Variants in LMX1A observed in about 807,000 individuals in gnomAD.
LMX1A encodes LIM homeobox transcription factor 1 alpha, also known as LIM homeobox transcription factor 1-alpha.
Under a neutral mutation model 49.1 loss-of-function variants are expected in LMX1A, and 15 were observed. The ratio of observed to expected loss-of-function variants is 0.31; its 90% CI spans 0.20 to 0.47. The LOEUF (loss-of-function observed/expected upper bound fraction) is 0.47, where lower values mean the gene tolerates loss of function less well. LMX1A is among the 20% of genes least tolerant of loss of function. The pLI is 1.00. For synonymous variants in LMX1A, 167 were observed against 185.7 expected (o/e 0.90, Z 0.82); for missense variants, 372 against 475.8 (o/e 0.78, Z 2.03).
At chr1:165,231,811 A>G (rs1652250248) in intron 4 of LMX1A, among the ~76,000 whole-genome samples, 1 of 152,170 alleles carries the variant, frequency 6.6e-6, no homozygotes, top group Non-Finnish European at 1.5e-5. Flanking sequence ...TCTAAAGCTT[A>G]TAATTTGAGT....
In LMX1A at chr1:165,345,698, C is replaced by T. The variant is rs888175945; in HGVS notation, c.263+7378G>A. ...ACCGTCTATTTGCCTGAGCCCCACC[C>T]AACTGAGTGGTCACATGACTGTTAT... On this transcript the variant is annotated intron_variant, in intron 3 of 8. Transcript: ENST00000342310. Among the ~76,000 whole-genome samples, 3 of 152,328 alleles carry T rather than the reference C, an allele frequency of 2.0e-5. No individual in the cohort carries two copies. The East Asian group carries it at 5.8e-4, about 29-fold the overall frequency.
chr1:165,285,844 G>A (rs937425286), intron 3 of LMX1A, among the ~76,000 whole-genome samples: 1 of 152,204 alleles, frequency 6.6e-6, no homozygotes, highest in African/African-American at 2.4e-5. Flanking sequence ...GATTTAGGGA[G>A]GAAGGACGGG....
At chr1:165,326,285 G>C (rs1301622273) in intron 3 of LMX1A, among the ~76,000 whole-genome samples, 1 of 152,168 alleles carries the variant, frequency 6.6e-6, no homozygotes, top group African/African-American at 2.4e-5. Flanking sequence ...CCATATGATG[G>C]CTTCTGAGGA....
At chr1:165,322,384 G>A (rs552050637) in intron 3 of LMX1A, among the ~76,000 whole-genome samples, 1 of 152,308 alleles carries the variant, frequency 6.6e-6, no homozygotes, top group South Asian at 2.1e-4. Flanking sequence ...AATCTTCATA[G>A]CAGCATTGAT....
At chr1:165,266,512 A>G (rs1263377122) in intron 3 of LMX1A, among the ~76,000 whole-genome samples, 1 of 151,880 alleles carries the variant, frequency 6.6e-6, no homozygotes. Context: ...GAGGAGTTCA[A>G]CTTTTCCTCT....
chr1:165,284,717 G>C lies in LMX1A; in HGVS notation c.264-35077C>G, dbSNP rs1299261897. Among the ~76,000 whole-genome samples, 5 of 152,214 alleles carry C rather than the reference G, an allele frequency of 3.3e-5. No homozygotes were observed. The South Asian group carries it at 8.3e-4, about 25-fold the overall frequency. On this transcript the variant is annotated intron_variant, in intron 3 of 8. Transcript: ENST00000342310. ...TTATAGGCTTGTCTGCTGAGCGCAA[G>C]CAGGTTTGCCAACACGGAAGTCCTT... is the stretch of plus-strand genomic sequence containing the variant.
At chr1:165,312,720 C>T (rs1655110761) in intron 3 of LMX1A, among the ~76,000 whole-genome samples, 1 of 152,232 alleles carries the variant, frequency 6.6e-6, no homozygotes, top group African/African-American at 2.4e-5. Flanking sequence ...ATGTGTGAGC[C>T]ATCCTGGAAA....
At chr1:165,339,307 A>G (rs1655994993) in intron 3 of LMX1A, among the ~76,000 whole-genome samples, 1 of 152,200 alleles carries the variant, frequency 6.6e-6, no homozygotes, top group African/African-American at 2.4e-5. Flanking sequence ...CCTTGCTTTG[A>G]GAGTCCTCCC....
intron 3 of LMX1A, among the ~76,000 whole-genome samples, chr1:165,333,419 A>T (rs1253418496): frequency 6.6e-6 from 1 of 152,056 alleles, no homozygotes; most frequent in African/African-American, 2.4e-5. Context: ...TCCGCCTCCC[A>T]AAGTGCTGAG....
intron 3 of LMX1A, among the ~76,000 whole-genome samples, chr1:165,250,116 GC>G (rs1374549022): frequency 6.6e-6 from 1 of 152,152 alleles, no homozygotes; most frequent in Non-Finnish European, 1.5e-5. Context: ...AGGAAAAATA[GC>G]TAATGCATAC....
intron 3 of LMX1A, among the ~76,000 whole-genome samples, chr1:165,279,582 C>A (rs1654082671): frequency 6.6e-6 from 1 of 152,186 alleles, no homozygotes; most frequent in Non-Finnish European, 1.5e-5. Flanking sequence ...CTTCCTTATG[C>A]CTCTGTTTCC....
At chr1:165,206,111 A>G in intron 7 of LMX1A, 77 bp from the exon 8 acceptor site, 1 of 1,336,578 alleles carries the variant, frequency 7.5e-7, no homozygotes, top group Non-Finnish European at 1.0e-6. Flanking sequence ...TGATTCCCTC[A>G]TTTATAAAAT....
chr1:165,278,549 T>G (rs1284595971), intron 3 of LMX1A, among the ~76,000 whole-genome samples: 1 of 152,168 alleles, frequency 6.6e-6, no homozygotes, highest in Non-Finnish European at 1.5e-5. Context: ...CCTTCCTGCC[T>G]GCTGCATTCT....
At chr1:165,233,876 G>T (rs1652326301) in intron 4 of LMX1A, among the ~76,000 whole-genome samples, 1 of 152,140 alleles carries the variant, frequency 6.6e-6, no homozygotes, top group East Asian at 1.9e-4. Flanking sequence ...AGGCATAAAT[G>T]AATGAATAAA....
intron 3 of LMX1A, among the ~76,000 whole-genome samples, chr1:165,261,402 G>T (rs1653434949): frequency 6.6e-6 from 1 of 152,152 alleles, no homozygotes; most frequent in Non-Finnish European, 1.5e-5. Context: ...ACAGGTGTTG[G>T]ATGTAGAGAA....
chr1:165,233,512 A>T, intron 4 of LMX1A, among the ~76,000 whole-genome samples: 1 of 152,136 alleles, frequency 6.6e-6, no homozygotes, highest in East Asian at 1.9e-4. Flanking sequence ...GTGATTCCCA[A>T]ATTCACATCT....
intron 4 of LMX1A, among the ~76,000 whole-genome samples, chr1:165,248,894 G>A (rs1477820214): frequency 6.6e-6 from 1 of 152,180 alleles, no homozygotes; most frequent in Non-Finnish European, 1.5e-5. Flanking sequence ...TTGGCCCATG[G>A]AATATTAGCA....
chr1:165,291,086 A>G (rs889322312), intron 3 of LMX1A, among the ~76,000 whole-genome samples: 13 of 152,220 alleles, frequency 8.5e-5, no homozygotes, highest in Admixed American at 4.6e-4. Flanking sequence ...CTAACATAAG[A>G]TCTAAGATTA....
chr1:165,247,101 C>A (rs1232708071), intron 4 of LMX1A, among the ~76,000 whole-genome samples: 2 of 84,006 alleles, frequency 2.4e-5, no homozygotes, highest in African/African-American at 9.1e-5. Flanking sequence ...GGGCGTGGAG[C>A]CAATCCACTA....
Sources: allele counts gnomAD v4.1 joint callset (sites outside exome capture counted in the v4.1 genomes callset), GRCh38; gene constraint gnomAD v4.1.1; transcripts MANE v1.5; gene names NCBI Gene and HGNC (gene_info 2026-07-23, HGNC 2026-07-21).